The following SLC44A1 variants were observed in gnomAD, a reference collection of about 807,000 sequenced individuals.
SLC44A1 encodes the protein solute carrier family 44 member 1, also known as choline transporter-like protein 1.
In SLC44A1, 26 loss-of-function variants were observed where a neutral mutation model predicts 79.3. The observed-to-expected ratio is 0.33, with a 90% confidence interval of 0.24 to 0.46. The LOEUF (loss-of-function observed/expected upper bound fraction) is 0.46, where lower values mean the gene tolerates loss of function less well. Ranked by LOEUF, SLC44A1 falls within the 20% of genes least tolerant of loss-of-function variation. The pLI, the probability that SLC44A1 is intolerant of heterozygous loss-of-function variation, is 1.00. For missense variants in SLC44A1, 688 were observed against 798.1 expected, an observed-to-expected ratio of 0.86 and a Z score of 1.66; for synonymous variants, 263 against 286.2, an observed-to-expected ratio of 0.92 and a Z score of 0.82.
chr9:105,390,894 C>G lies in SLC44A1; in HGVS notation c.*1838C>G. 20 of 982,470 alleles carry G rather than the reference C, an allele frequency of 2.0e-5. No homozygotes were observed. The highest frequency in any genetic ancestry group is 2.4e-5 in the Non-Finnish European group (20 of 827,030). 60.9% of individuals were successfully genotyped at this position (982,470 alleles called of 1,614,324 possible). On this transcript the variant is annotated 3_prime_UTR_variant, in exon 16 of 16. Coordinates refer to ENST00000374720, the MANE Select transcript of SLC44A1 (RefSeq NM_080546.5). ...TTCTCCAGAAGTTAACATCTAATAT[C>G]TAGTATCACCAAACAGTATCGCTGT... is the stretch of plus-strand genomic sequence containing the variant.
At position 105,325,054 on chromosome 9, in the gene SLC44A1, C is replaced by A. The variant is rs569953454; in HGVS notation, c.270-10509C>A. 3.9e-3 allele frequency among the ~76,000 whole-genome samples: 595 copies of A among 152,338 alleles called. 2 individuals are homozygous for A. The highest frequency in any genetic ancestry group is 0.013 in the African/African-American group (537 of 41,580). ...GTCCCCACAAAGACTTGTACATGAA[C>A]ATTCATAGCAGCTGCAGCATCTAAT... is the stretch of plus-strand genomic sequence containing the variant. On this transcript the variant is annotated intron_variant, in intron 3 of 15. Coordinates refer to ENST00000374720, the MANE Select transcript of SLC44A1 (RefSeq NM_080546.5).
intron 15 of SLC44A1, chr9:105,385,924 T>A (rs1828615043): frequency 1.0e-6 from 1 of 985,388 alleles, no homozygotes; most frequent in Non-Finnish European, 1.2e-6. Context: ...TTGCTAAAAT[T>A]CATACTCCCC....
intron 1 of SLC44A1, among the ~76,000 whole-genome samples, chr9:105,265,627 A>G (rs1416005360): frequency 6.6e-6 from 1 of 152,168 alleles, no homozygotes; most frequent in East Asian, 1.9e-4. Context: ...TATCTTTGGT[A>G]ACTATCTGGG....
rs1418568805 is a variant in SLC44A1, at chr9:105,395,469, T to A, written c.*6413T>A. On this transcript the variant is annotated 3_prime_UTR_variant, in exon 16 of 16. Transcript: ENST00000374720. ...CCTGACCTCAGGTGATCCACCCGCCTCAGCCTCCCAAAGTGCTGGGATTAC... is the reference window on the plus strand; with the variant it reads ...CCTGACCTCAGGTGATCCACCCGCCACAGCCTCCCAAAGTGCTGGGATTAC... 7.2e-6 allele frequency: 6 copies of A among 832,470 alleles called. No homozygotes were observed. The highest frequency in any genetic ancestry group is 8.7e-6 in the Non-Finnish European group (6 of 690,322). 51.6% of individuals were successfully genotyped at this position (832,470 alleles called of 1,614,324 possible). A position where few individuals can be genotyped will look rare whatever the true frequency, so the allele number is the denominator to read the frequency against.
Position 105,391,095 on chromosome 9 carries a change from G to T in SLC44A1, c.*2039G>T, listed in dbSNP as rs1828753163. The T allele has an allele frequency of 1.0e-6, 1 of 985,774 alleles. No individual in the cohort carries two copies. The allele number at this position is 985,774 out of a possible 1,614,324, so 61.1% of individuals were successfully genotyped here. On this transcript the variant is annotated 3_prime_UTR_variant, in exon 16 of 16. Transcript: ENST00000374720. ...GAATTGGCAAAAGTCTAGAAGATGG[G>T]TATCAAAACAGAAGACATTCCAGGA...
rs1019499052 is a variant in SLC44A1 at position 105,396,556 on chromosome 9, C to T, written c.*7500C>T. 1 of 985,256 alleles carries T rather than the reference C, an allele frequency of 1.0e-6. No homozygotes were observed. The highest frequency in any genetic ancestry group is 1.7e-5 in the African/African-American group (1 of 57,238). The allele number at this position is 985,256 out of a possible 1,614,324, so 61.0% of individuals were successfully genotyped here. A position where few individuals can be genotyped will look rare whatever the true frequency, so the allele number is the denominator to read the frequency against. On this transcript the variant is annotated 3_prime_UTR_variant, in exon 16 of 16. Transcript: ENST00000374720. ...AATACAGTAGGGACCTGCTATTGATCTCTCAGGCACTGAGTCTTCACATCC... is the reference window on the plus strand; with the variant it reads ...AATACAGTAGGGACCTGCTATTGATTTCTCAGGCACTGAGTCTTCACATCC...
intron 15 of SLC44A1, among the ~76,000 whole-genome samples, chr9:105,405,021 G>A (rs1313587226): frequency 6.6e-6 from 1 of 152,164 alleles, no homozygotes; most frequent in Non-Finnish European, 1.5e-5. Context: ...CTAGTTTTAT[G>A]TATAAAAGCT....
intron 3 of SLC44A1, among the ~76,000 whole-genome samples, chr9:105,329,235 AT>A: frequency 1.3e-5 from 2 of 152,214 alleles, no homozygotes; most frequent in Non-Finnish European, 2.9e-5. Flanking sequence ...AATTGGGAAA[AT>A]GATCAGACTC....
In SLC44A1 at chr9:105,395,877, A is replaced by G. The variant is rs550340441; in HGVS notation, c.*6821A>G. 6 of 982,680 alleles carry G rather than the reference A, an allele frequency of 6.1e-6. No homozygotes were observed. The highest frequency in any genetic ancestry group is 1.8e-5 in the African/African-American group (1 of 56,926). The allele number at this position is 982,680 out of a possible 1,614,324, so 60.9% of individuals were successfully genotyped here. On this transcript the variant is annotated 3_prime_UTR_variant, in exon 16 of 16. Coordinates refer to ENST00000374720, the MANE Select transcript of SLC44A1 (RefSeq NM_080546.5). ...AATGTGAGCTCCTTCTTCATTTACC[A>G]TGTTGATAATCCGGTGGTGACTTTT...
At chr9:105,316,712 T>C (rs1367135734) in intron 3 of SLC44A1, among the ~76,000 whole-genome samples, 1 of 152,216 alleles carries the variant, frequency 6.6e-6, no homozygotes, top group African/African-American at 2.4e-5. Context: ...TGTTGTCTAT[T>C]GAAAGCTGAG....
chr9:105,387,060 A>ATATATATATATATATAT (rs761598964), intron 15 of SLC44A1, among the ~76,000 whole-genome samples: 1 of 7,730 alleles, frequency 1.3e-4, no homozygotes, highest in African/African-American at 4.1e-4. Flanking sequence ...AAAAAAAAAA[A>ATATATATATATATATAT]ATATATATAT....
chr9:105,318,847 G>A (rs1037732573), intron 3 of SLC44A1, among the ~76,000 whole-genome samples: 1 of 151,950 alleles, frequency 6.6e-6, no homozygotes, highest in African/African-American at 2.4e-5. Flanking sequence ...GGCAAGGAAG[G>A]GATGATTGGT....
intron 15 of SLC44A1, among the ~76,000 whole-genome samples, chr9:105,431,678 G>A (rs1421829172): frequency 2.0e-5 from 3 of 152,166 alleles, no homozygotes; most frequent in Non-Finnish European, 2.9e-5. Flanking sequence ...AGACAAATAA[G>A]GTCCAAATTC....
At chr9:105,427,446 TA>T (rs1829337655) in intron 15 of SLC44A1, among the ~76,000 whole-genome samples, 1 of 152,150 alleles carries the variant, frequency 6.6e-6, no homozygotes, top group African/African-American at 2.4e-5. Flanking sequence ...GTCTTTAACT[TA>T]TTTTTTTATA....
chr9:105,429,703 A>G (rs1487503651), intron 15 of SLC44A1, among the ~76,000 whole-genome samples: 1 of 152,222 alleles, frequency 6.6e-6, no homozygotes, highest in Non-Finnish European at 1.5e-5. Context: ...GAAGTTACAG[A>G]TTAATCATCA....
chr9:105,274,845 T>A (rs1210699689), intron 1 of SLC44A1, among the ~76,000 whole-genome samples: 1 of 152,218 alleles, frequency 6.6e-6, no homozygotes, highest in East Asian at 1.9e-4. Flanking sequence ...GCCTGTGTCA[T>A]GTAGTAGCTT....
Position 105,364,621 on chromosome 9 carries a change from G to T in SLC44A1, c.1154G>T (p.Trp385Leu), listed in dbSNP as rs1421114664. 1 of 1,613,840 alleles carries T rather than the reference G, an allele frequency of 6.2e-7. No homozygotes were observed. The highest frequency in any genetic ancestry group is 1.7e-5 in the Admixed American group (1 of 60,020). ...FKISGPLQYM[W>L]WYHVVGLIWI... ...ATTTCTGGGCCTCTGCAGTACATGT[G>T]GTGGTACCATGTGGTGGGCCTGATT... The change falls in exon 10 of 16, where the codon TGG becomes TTG. Residue 385 changes from tryptophan (W) to leucine (L), a missense_variant. Coordinates refer to ENST00000374720, the MANE Select transcript of SLC44A1 (RefSeq NM_080546.5).
At chr9:105,259,488 T>G (rs776746119) in intron 1 of SLC44A1, among the ~76,000 whole-genome samples, 2 of 152,176 alleles carry the variant, frequency 1.3e-5, no homozygotes, top group Non-Finnish European at 2.9e-5. Context: ...TAAGATCAAA[T>G]TACGAAGGCA....
intron 2 of SLC44A1, among the ~76,000 whole-genome samples, chr9:105,305,045 A>T (rs1468845102): frequency 7.9e-6 from 1 of 127,382 alleles, no homozygotes; most frequent in Non-Finnish European, 1.5e-5. Flanking sequence ...ATCATGGCTC[A>T]CTGCAGTCTT....
Sources: gnomAD v4.1 joint callset for allele counts (sites outside exome capture counted in the v4.1 genomes callset) on GRCh38, gnomAD v4.1.1 for gene constraint, MANE v1.5 for transcripts, NCBI Gene and HGNC (gene_info 2026-07-23, HGNC 2026-07-21) for gene names.